PI15: variants seen among roughly 807,000 people sequenced by gnomAD.
The protein encoded by PI15 is peptidase inhibitor 15.
Under a neutral mutation model 31.0 loss-of-function variants are expected in PI15, and 18 were observed. The observed-to-expected ratio is 0.58, with a 90% CI of 0.40 to 0.86. The LOEUF (loss-of-function observed/expected upper bound fraction) is 0.86. Among genes scored for constraint, PI15 ranks in the 40% least tolerant of loss-of-function variants. PI15 has a pLI of 0.00. For synonymous variants in PI15, 118 were observed against 119.1 expected (o/e 0.99, Z 0.06); for missense variants, 282 against 328.1 (o/e 0.86, Z 1.09).
rs1434937223 is a variant in PI15, at chr8:74,853,744, T to C, written c.*4491T>C. ...AAATGTTTGATAATATTAACATGTATCTAAGAGGAAAAAAGAGTTAATATA... is the reference window on the plus strand; with the variant it reads ...AAATGTTTGATAATATTAACATGTACCTAAGAGGAAAAAAGAGTTAATATA... On this transcript the variant is annotated 3_prime_UTR_variant, in exon 6 of 6. Coordinates refer to ENST00000260113, the MANE Select transcript of PI15 (RefSeq NM_015886.5). The C allele has an allele frequency of 6.6e-6, 1 of 152,410 alleles. No individual in the cohort carries two copies. The highest frequency in any genetic ancestry group is 2.4e-5 in the African/African-American group (1 of 41,424). 9.4% of individuals were successfully genotyped at this position (152,410 alleles called of 1,614,324 possible).
intron 2 of PI15, 65 bp downstream of exon 2, chr8:74,825,587 A>T (rs1328553064): frequency 1.5e-6 from 2 of 1,314,798 alleles, no homozygotes; most frequent in Non-Finnish European, 2.1e-6. Flanking sequence ...GTACATCTGC[A>T]GAATCTCAAA....
rs924837903 is a variant in PI15 at position 74,850,071 on chromosome 8, T to C, written c.*818T>C. The stretch of plus-strand genomic sequence containing the variant: ...GCTCACAAAAGTATTCAGGAAATAA[T>C]GCAGACTAGTGATTTTGCTATAAAA... On this transcript the variant is annotated 3_prime_UTR_variant, in exon 6 of 6. Transcript: ENST00000260113. 2 of 152,290 alleles carry C rather than the reference T, an allele frequency of 1.3e-5. No individual in the cohort carries two copies. Among genetic ancestry groups the C allele is most frequent in the Admixed American group, 6.5e-5 (1 of 15,296 alleles). 9.4% of individuals were successfully genotyped at this position (152,290 alleles called of 1,614,324 possible).
At chr8:74,846,290 T>C (rs1474339021) in intron 5 of PI15, among the ~76,000 whole-genome samples, 2 of 152,232 alleles carry the variant, frequency 1.3e-5, no homozygotes, top group Non-Finnish European at 2.9e-5. Flanking sequence ...AGTATGCCAG[T>C]GGCAGTGCTT....
At chr8:74,845,591 C>T in intron 5 of PI15, 94 bp downstream of exon 5, 1 of 772,908 alleles carries the variant, frequency 1.3e-6, no homozygotes, top group South Asian at 1.5e-5. Context: ...GTGAGTAAGG[C>T]TTAGCTATAA....
Position 74,843,977 on chromosome 8 carries a change from A to T in PI15, c.274-4A>T. On this transcript the variant is annotated splice_region_variant and splice_polypyrimidine_tract_variant and intron_variant, in intron 2 of 5. Transcript: ENST00000260113. ...GTAACGCTGAAGATTTTTTTCCCCT[A>T]CAGGTTTGGGATGAAAATCTTGCAA... The T allele has an allele frequency of 6.9e-7, 1 of 1,458,824 alleles. No individual in the cohort carries two copies. 90.4% of individuals were successfully genotyped at this position (1,458,824 alleles called of 1,614,324 possible).
chr8:74,839,300 G>A (rs1810912469), intron 2 of PI15, among the ~76,000 whole-genome samples: 1 of 152,076 alleles, frequency 6.6e-6, no homozygotes, highest in Admixed American at 6.6e-5. Context: ...GAATATTTTA[G>A]TCCAGAGCTA....
intron 2 of PI15, among the ~76,000 whole-genome samples, chr8:74,843,164 G>T (rs1415459169): frequency 6.6e-6 from 1 of 152,012 alleles, no homozygotes; most frequent in Non-Finnish European, 1.5e-5. Flanking sequence ...GGCTTTTGAC[G>T]GCTGTGAAAA....
chr8:74,844,841 A>T (rs1476894432), intron 3 of PI15: 2 of 342,824 alleles, frequency 5.8e-6, no homozygotes, highest in Non-Finnish European at 5.3e-6. Flanking sequence ...TGGATTAAAT[A>T]AGACATTGAT....
chr8:74,824,853 T>C (rs1319784528), intron 1 of PI15, 178 bp downstream of exon 1: 1 of 186,238 alleles, frequency 5.4e-6, no homozygotes, highest in Non-Finnish European at 1.1e-5. Flanking sequence ...TGTGATTCAT[T>C]TTTTCTTCAC....
In PI15 at chr8:74,849,019, A is replaced by T. The variant is rs80132610; in HGVS notation, c.642-99A>T. The T allele has an allele frequency of 8.2e-4, 791 of 964,548 alleles. 12 individuals are homozygous for T. The East Asian group carries it at 0.02, about 24-fold the overall frequency. 59.7% of individuals were successfully genotyped at this position (964,548 alleles called of 1,614,324 possible). On this transcript the variant is annotated intron_variant, in intron 5 of 5. Coordinates refer to ENST00000260113, the MANE Select transcript of PI15 (RefSeq NM_015886.5). ...TCTAAAGCAACTTCTCAAACGGATC[A>T]TCACATGTCAATACTTGTGAACATA...
Position 74,825,285 on chromosome 8 carries a change from G to C in PI15, c.36G>C (p.Leu12=), listed in dbSNP as rs767553655. 6.2e-7 allele frequency: 1 copy of C among 1,613,078 alleles called. No individual in the cohort carries two copies. The highest frequency in any genetic ancestry group is 1.3e-5 in the African/African-American group (1 of 74,746). Residue 12 remains leucine, a synonymous_variant, in exon 2 of 6, where the codon CTG becomes CTC. Coordinates refer to ENST00000260113, the MANE Select transcript of PI15 (RefSeq NM_015886.5). ...IAISAVSSAL[L]FSLLCEASTV... Reference sequence around the variant, plus strand: ...TCTCTGCCGTCAGCAGTGCACTCCTGTTCTCCCTTCTCTGTGAAGCAAGTA... The same window carrying C: ...TCTCTGCCGTCAGCAGTGCACTCCTCTTCTCCCTTCTCTGTGAAGCAAGTA...
In PI15 at chr8:74,835,182, TCTTA is replaced by T. The variant is rs1810844991; in HGVS notation, c.274-8795_274-8792del. ...ACAACCTTACCCCCATCCCTTCAAA[TCTTA>T]CTTTAGAATTTTTTTTATCTTTTTA... On this transcript the variant is annotated intron_variant, in intron 2 of 5. Coordinates refer to ENST00000260113, the MANE Select transcript of PI15 (RefSeq NM_015886.5). Among the ~76,000 whole-genome samples the T allele has an allele frequency of 2.0e-5, 3 of 152,156 alleles. No homozygotes were observed. The South Asian group carries it at 6.2e-4, about 31-fold the overall frequency.
chr8:74,844,172 T>C, intron 3 of PI15, 73 bp downstream of exon 3: 1 of 785,214 alleles, frequency 1.3e-6, no homozygotes, highest in East Asian at 2.4e-5. Flanking sequence ...GGGAATTTCA[T>C]CAATTTCAAG....
chr8:74,841,933 T>C (rs1810951608), intron 2 of PI15, among the ~76,000 whole-genome samples: 1 of 152,222 alleles, frequency 6.6e-6, no homozygotes, highest in South Asian at 2.1e-4. Flanking sequence ...TTTTCCTAAT[T>C]TAAAACTATT....
At chr8:74,828,338 C>T (rs1480112857) in intron 2 of PI15, among the ~76,000 whole-genome samples, 2 of 152,046 alleles carry the variant, frequency 1.3e-5, no homozygotes, top group Non-Finnish European at 2.9e-5. Flanking sequence ...GAATATCCAT[C>T]AGTTCAGTTA....
At chr8:74,843,644 G>A (rs1176713881) in intron 2 of PI15, among the ~76,000 whole-genome samples, 1 of 152,066 alleles carries the variant, frequency 6.6e-6, no homozygotes, top group Non-Finnish European at 1.5e-5. Flanking sequence ...CGGGTGAATC[G>A]CTTGAGGCTC....
rs1317910567 is a variant in PI15 at position 74,836,356 on chromosome 8, T to C, written c.274-7625T>C. On this transcript the variant is annotated intron_variant, in intron 2 of 5. Coordinates refer to ENST00000260113, the MANE Select transcript of PI15 (RefSeq NM_015886.5). ...ATACCAGGAAGACTGAAGGAGTAGT[T>C]GATTTGGAGGAATGGGGGTAAGGTT... is the stretch of plus-strand genomic sequence containing the variant. 3.3e-5 allele frequency among the ~76,000 whole-genome samples: 5 copies of C among 152,014 alleles called. No individual in the cohort carries two copies. In the East Asian group the frequency reaches 7.7e-4, roughly 24 times the overall value.
chr8:74,848,507 T>C (rs1346219968), intron 5 of PI15, among the ~76,000 whole-genome samples: 1 of 151,508 alleles, frequency 6.6e-6, no homozygotes, highest in Non-Finnish European at 1.5e-5. Context: ...TGAGCATTAG[T>C]GTGAGTTTAA....
At chr8:74,839,624 T>C (rs1478607536) in intron 2 of PI15, among the ~76,000 whole-genome samples, 2 of 152,168 alleles carry the variant, frequency 1.3e-5, no homozygotes, top group Non-Finnish European at 2.9e-5. Context: ...AAATTATCTG[T>C]GAAAATACCT....
Sources: gnomAD v4.1 joint callset for allele counts (sites outside exome capture counted in the v4.1 genomes callset) on GRCh38, gnomAD v4.1.1 for gene constraint, MANE v1.5 for transcripts, NCBI Gene and HGNC (gene_info 2026-07-23, HGNC 2026-07-21) for gene names.